Variants in TAFA2 observed in about 807,000 individuals in gnomAD.
TAFA2 encodes the protein chemokine-like protein TAFA-2.
TAFA2 carries 7 observed loss-of-function variants against 18.8 expected under a neutral mutation model. The observed-to-expected ratio is 0.37, with a 90% confidence interval of 0.21 to 0.70. TAFA2 has a LOEUF of 0.70. TAFA2 is among the 30% of genes least tolerant of loss of function. The pLI is 0.53. For missense variants in TAFA2, 122 were observed against 158.1 expected (o/e 0.77, Z 1.23); for synonymous variants, 60 against 54.2 (o/e 1.11, Z -0.47).
intron 2 of TAFA2, among the ~76,000 whole-genome samples, chr12:61,823,846 A>C (rs1872423303): frequency 6.6e-6 from 1 of 152,162 alleles, no homozygotes; most frequent in African/African-American, 2.4e-5. Context: ...CGCATGATCA[A>C]ATAGGAACCA....
intron 1 of TAFA2, chr12:62,021,586 T>A: frequency 1.1e-6 from 1 of 885,178 alleles, no homozygotes; most frequent in Non-Finnish European, 1.9e-6. Flanking sequence ...GGGGACTGGC[T>A]GGGTGACGGC....
At chr12:62,255,820 C>T (rs915943610) in intron 1 of TAFA2, among the ~76,000 whole-genome samples, 2 of 152,168 alleles carry the variant, frequency 1.3e-5, no homozygotes, top group Non-Finnish European at 2.9e-5. Context: ...TACCACTGCA[C>T]TCCAGTCTGG....
chr12:62,165,783 A>G (rs2062434470), intron 1 of TAFA2, among the ~76,000 whole-genome samples: 1 of 152,064 alleles, frequency 6.6e-6, no homozygotes, highest in Non-Finnish European at 1.5e-5. Context: ...AACTACTCCA[A>G]GAGCTTCTTA....
At chr12:61,916,491 A>T (rs1009534010) in intron 1 of TAFA2, among the ~76,000 whole-genome samples, 1 of 152,082 alleles carries the variant, frequency 6.6e-6, no homozygotes, top group African/African-American at 2.4e-5. Flanking sequence ...TAATGTTTTT[A>T]CTCTCCATCG....
intron 1 of TAFA2, among the ~76,000 whole-genome samples, chr12:62,006,152 C>A (rs188270930): frequency 5.7e-4 from 87 of 152,244 alleles, no homozygotes; most frequent in African/African-American, 1.9e-3. Context: ...TGACTAGATC[C>A]TAAATTTCTT....
intron 2 of TAFA2, among the ~76,000 whole-genome samples, chr12:61,830,171 T>C (rs1362499636): frequency 1.3e-5 from 2 of 150,942 alleles, no homozygotes; most frequent in East Asian, 3.9e-4. Flanking sequence ...CAATGAATGA[T>C]TGGATAAATG....
chr12:62,154,097 T>C (rs1473377460), intron 1 of TAFA2, among the ~76,000 whole-genome samples: 3 of 152,092 alleles, frequency 2.0e-5, no homozygotes, highest in Non-Finnish European at 4.4e-5. Flanking sequence ...TGTATTTTAT[T>C]ATTAAAGGAA....
At chr12:61,879,986 A>C in intron 1 of TAFA2, 1 of 812,242 alleles carries the variant, frequency 1.2e-6, no homozygotes, top group Non-Finnish European at 2.2e-6. Context: ...TGATGAGATC[A>C]ACTTCCTCAG....
At chr12:62,258,871 A>G (rs2062959533), upstream of TAFA2, 1 of 212,906 alleles carries the variant, frequency 4.7e-6, no homozygotes, top group East Asian at 1.7e-4. Flanking sequence ...TGTGACTTTT[A>G]GAGGGTAGCC....
intron 4 of TAFA2, among the ~76,000 whole-genome samples, chr12:61,736,651 C>T (rs1306081835): frequency 6.6e-6 from 1 of 151,902 alleles, no homozygotes; most frequent in African/African-American, 2.4e-5. Flanking sequence ...TGATTTACCC[C>T]GTTGTCCTGA....
At chr12:61,961,913 T>C (rs1878899791) in intron 1 of TAFA2, among the ~76,000 whole-genome samples, 1 of 152,040 alleles carries the variant, frequency 6.6e-6, no homozygotes, top group African/African-American at 2.4e-5. Flanking sequence ...TCTCCACAAA[T>C]AGGATATAGC....
chr12:62,043,146 G>A lies in TAFA2; in HGVS notation c.-2+148113C>T, dbSNP rs558470560. Reference sequence around the variant, plus strand: ...ATGTATTAAATCCTGCTGTATTTAAGAAGAATATTTTCATTTAATTAGTTT... The same window carrying A: ...ATGTATTAAATCCTGCTGTATTTAAAAAGAATATTTTCATTTAATTAGTTT... On this transcript the variant is annotated intron_variant, in intron 1 of 4. Coordinates refer to ENST00000416284, the MANE Select transcript of TAFA2 (RefSeq NM_178539.5). 7.9e-5 allele frequency among the ~76,000 whole-genome samples: 12 copies of A among 152,198 alleles called. No homozygotes were observed. The South Asian group carries it at 2.5e-3, about 32-fold the overall frequency.
intron 1 of TAFA2, among the ~76,000 whole-genome samples, chr12:61,947,732 G>A (rs935371794): frequency 2.0e-5 from 3 of 152,056 alleles, no homozygotes; most frequent in Admixed American, 6.6e-5. Flanking sequence ...TCATCTCCTC[G>A]ATATGTAAGT....
chr12:61,907,687 C>T (rs77535579), intron 1 of TAFA2, among the ~76,000 whole-genome samples: 1,697 of 152,118 alleles, frequency 0.011, 28 homozygotes, highest in African/African-American at 0.039. Context: ...TGGTATCCAC[C>T]GACAGTTGTA....
At position 62,014,576 on chromosome 12, in the gene TAFA2, G is replaced by A. The variant is rs1240063156; in HGVS notation, c.-1-147150C>T. Among the ~76,000 whole-genome samples, 3 of 152,186 alleles carry A rather than the reference G, an allele frequency of 2.0e-5. 1 individual carries two copies. The highest frequency in any genetic ancestry group is 7.2e-5 in the African/African-American group (3 of 41,450). The stretch of plus-strand genomic sequence containing the variant: ...AACCCCGGAAGGCAGAGGCTGCAGT[G>A]AGCAGAGATGGCGCCACTGCACTCC... On this transcript the variant is annotated intron_variant, in intron 1 of 4. Transcript: ENST00000416284.
intron 1 of TAFA2, among the ~76,000 whole-genome samples, chr12:62,226,498 T>C (rs7131719): frequency 0.02 from 2,970 of 152,196 alleles, 99 homozygotes; most frequent in African/African-American, 0.069. Context: ...CACCCGGCCT[T>C]GATTACTCTT....
At chr12:61,816,475 A>G (rs1042518684) in intron 2 of TAFA2, among the ~76,000 whole-genome samples, 5 of 151,340 alleles carry the variant, frequency 3.3e-5, no homozygotes, top group Non-Finnish European at 5.9e-5. Flanking sequence ...TAGTGCTGCA[A>G]TGAACATTTG....
chr12:62,187,339 CGTT>C (rs1319175941), intron 1 of TAFA2, among the ~76,000 whole-genome samples: 3 of 152,056 alleles, frequency 2.0e-5, no homozygotes, highest in African/African-American at 7.2e-5. Context: ...TTATAAATGA[CGTT>C]GTCACACTAT....
chr12:62,078,209 T>C (rs1868265894), intron 1 of TAFA2, among the ~76,000 whole-genome samples: 1 of 152,006 alleles, frequency 6.6e-6, no homozygotes, highest in Non-Finnish European at 1.5e-5. Context: ...AGCTGCCCCC[T>C]CCTAACTTAC....
Sources: allele counts gnomAD v4.1 joint callset (sites outside exome capture counted in the v4.1 genomes callset), GRCh38; gene constraint gnomAD v4.1.1; transcripts MANE v1.5; gene names NCBI Gene and HGNC (gene_info 2026-07-23, HGNC 2026-07-21).